Variants in SEMA6A observed in about 807,000 individuals in gnomAD.
The protein encoded by SEMA6A is semaphorin-6A.
A neutral mutation model predicts 96.8 loss-of-function variants in SEMA6A; 25 were observed. The observed-to-expected ratio is 0.26, with a 90% CI of 0.19 to 0.36. The LOEUF (loss-of-function observed/expected upper bound fraction) is 0.36, where lower values mean the gene tolerates loss of function less well. SEMA6A is among the 10% of genes least tolerant of loss of function. The pLI, the probability that SEMA6A is intolerant of heterozygous loss-of-function variation, is 1.00. For synonymous variants in SEMA6A, 612 were observed against 518.0 expected, an observed-to-expected ratio of 1.18 and a Z score of -2.46; for missense variants, 1,363 against 1,323.1, an observed-to-expected ratio of 1.03 and a Z score of -0.47.
rs750512109 is a variant in SEMA6A at position 116,446,683 on chromosome 5, G to A, written c.3023C>T (p.Pro1008Leu). Residue 1008 changes from proline to leucine, a missense_variant, in exon 19 of 19, where the codon CCG becomes CTG. Physicochemically the swap from Pro to Leu is moderately conservative, Grantham distance 98. Transcript: ENST00000343348. ...AAAGGATGGTTTGGGGGGTACGTCC[G>A]GCTTTAGCGAGGGCGTACGCTTCAG... is the stretch of plus-strand genomic sequence containing the variant. ...SGLKRTPSLK[P>L]DVPPKPSFAP... 7 of 1,567,658 alleles carry A rather than the reference G, an allele frequency of 4.5e-6. No homozygotes were observed. The highest frequency in any genetic ancestry group is 4.3e-6 in the Non-Finnish European group (5 of 1,155,454).
chr5:116,448,254 A>C (rs1290022855), intron 18 of SEMA6A, among the ~76,000 whole-genome samples: 2 of 150,954 alleles, frequency 1.3e-5, no homozygotes, highest in Admixed American at 6.6e-5. Flanking sequence ...GCTGAGGTAG[A>C]GAATTGTTTG....
At chr5:116,462,837 A>G (rs932367281) in intron 18 of SEMA6A, among the ~76,000 whole-genome samples, 6 of 152,206 alleles carry the variant, frequency 3.9e-5, no homozygotes, top group Non-Finnish European at 7.3e-5. Flanking sequence ...TCAACTACCA[A>G]TACTACAATT....
intron 13 of SEMA6A, 24 bp downstream of exon 13, chr5:116,478,518 G>A: frequency 6.3e-7 from 1 of 1,578,926 alleles, no homozygotes; most frequent in Non-Finnish European, 8.6e-7. Flanking sequence ...TAATTACTAA[G>A]AAAGAACCAA....
At position 116,574,268 on chromosome 5, in the gene SEMA6A, G is replaced by C. The variant is rs1041578289; in HGVS notation, c.-122C>G. The stretch of plus-strand genomic sequence containing the variant: ...ATCCCATTTAGTAATCCATTATCGA[G>C]GGGATCTCTCCGGGCCGCGGGCTGC... On this transcript the variant is annotated 5_prime_UTR_variant, in exon 1 of 19. Coordinates refer to ENST00000343348, the MANE Select transcript of SEMA6A (RefSeq NM_020796.5). The C allele has an allele frequency of 6.6e-6, 1 of 152,406 alleles. No individual in the cohort carries two copies. Among genetic ancestry groups the C allele is most frequent in the Admixed American group, 6.5e-5 (1 of 15,270 alleles). 9.4% of individuals were successfully genotyped at this position (152,406 alleles called of 1,614,324 possible).
At chr5:116,519,599 T>TC (rs1758833350) in intron 1 of SEMA6A, among the ~76,000 whole-genome samples, 1 of 152,102 alleles carries the variant, frequency 6.6e-6, no homozygotes, top group East Asian at 1.9e-4. Context: ...ACCCATGGGT[T>TC]CTGCCCTTGG....
At chr5:116,457,853 A>C (rs186222881) in intron 18 of SEMA6A, among the ~76,000 whole-genome samples, 1 of 152,274 alleles carries the variant, frequency 6.6e-6, no homozygotes, top group Non-Finnish European at 1.5e-5. Flanking sequence ...TACTTGCATA[A>C]CCTGTATCTC....
At chr5:116,501,493 T>C (rs1757878233) in intron 3 of SEMA6A, among the ~76,000 whole-genome samples, 1 of 152,200 alleles carries the variant, frequency 6.6e-6, no homozygotes. Flanking sequence ...ATATAGATTA[T>C]CAATGATATA....
At chr5:116,467,771 A>G in intron 17 of SEMA6A, 24 bp from the exon 18 acceptor site, 1 of 1,612,372 alleles carries the variant, frequency 6.2e-7, no homozygotes, top group Non-Finnish European at 8.5e-7. Flanking sequence ...AAATACAGTT[A>G]GGAAAACATC....
intron 1 of SEMA6A, among the ~76,000 whole-genome samples, chr5:116,557,492 TATA>T (rs1380520765): frequency 2.6e-5 from 4 of 152,270 alleles, no homozygotes; most frequent in African/African-American, 7.2e-5. Flanking sequence ...TCTTAATACT[TATA>T]ATTTTTATTT....
intron 1 of SEMA6A, among the ~76,000 whole-genome samples, chr5:116,522,689 C>T (rs1252635169): frequency 6.6e-6 from 1 of 152,136 alleles, no homozygotes; most frequent in Non-Finnish European, 1.5e-5. Context: ...TTATTTTATG[C>T]TCCATAAGTG....
intron 8 of SEMA6A, 125 bp from the exon 9 acceptor site, chr5:116,488,321 A>G (rs1229509786): frequency 8.1e-6 from 5 of 617,200 alleles, no homozygotes; most frequent in Non-Finnish European, 1.1e-5. Context: ...GGTTAACACT[A>G]ACCATTTCAA....
intron 1 of SEMA6A, among the ~76,000 whole-genome samples, chr5:116,510,742 GCTT>G (rs1554088643): frequency 6.6e-6 from 1 of 151,922 alleles, no homozygotes; most frequent in Non-Finnish European, 1.5e-5. Context: ...AAGTCACTAA[GCTT>G]CTTATCTCTG....
At chr5:116,503,517 C>G in intron 2 of SEMA6A, among the ~76,000 whole-genome samples, 1 of 145,632 alleles carries the variant, frequency 6.9e-6, no homozygotes, top group South Asian at 2.2e-4. Flanking sequence ...GGAGTCCCTT[C>G]TTTTTTTTTT....
chr5:116,447,023 G>A lies in SEMA6A; in HGVS notation c.2683C>T (p.Leu895=), dbSNP rs1302192398. 1 of 1,613,942 alleles carries A rather than the reference G, an allele frequency of 6.2e-7. No homozygotes were observed. Among genetic ancestry groups the A allele is most frequent in the Admixed American group, 1.7e-5 (1 of 60,028 alleles). Residue 895 remains leucine, a synonymous_variant, in exon 19 of 19, where the codon CTG becomes TTG. Transcript: ENST00000343348. ...EASLGPPGAS[L]SQTGLSKRLE... ...CGCTTGCTTAGACCGGTCTGAGACA[G>A]GGAGGCTCCCGGGGGACCCAGGGAG...
At chr5:116,552,782 A>T (rs1224059830) in intron 1 of SEMA6A, among the ~76,000 whole-genome samples, 1 of 152,230 alleles carries the variant, frequency 6.6e-6, no homozygotes, top group Non-Finnish European at 1.5e-5. Context: ...AAATAATTTC[A>T]TAAGAGGTGC....
intron 1 of SEMA6A, among the ~76,000 whole-genome samples, chr5:116,531,965 C>T (rs1759496720): frequency 6.6e-6 from 1 of 152,142 alleles, no homozygotes; most frequent in South Asian, 2.1e-4. Context: ...GCAGTCCAAC[C>T]CTAGCCAATA....
chr5:116,566,210 C>G (rs1580525003), intron 1 of SEMA6A, among the ~76,000 whole-genome samples: 1 of 152,066 alleles, frequency 6.6e-6, no homozygotes, highest in East Asian at 1.9e-4. Flanking sequence ...GTCTTTGAAG[C>G]GTAGAGGGGC....
At chr5:116,569,703 C>A (rs950853683) in intron 1 of SEMA6A, among the ~76,000 whole-genome samples, 3 of 152,130 alleles carry the variant, frequency 2.0e-5, no homozygotes, top group Non-Finnish European at 4.4e-5. Flanking sequence ...AACAGCATTG[C>A]AGCCACAATG....
Position 116,475,553 on chromosome 5 carries a change from T to TC in SEMA6A, c.1699dup (p.Asp567GlyfsTer32). ...TAAAAGACTGTACTTACTGTGACAG[T>TC]CCCCCAGACCATCTGTATTGCCACG... On this transcript the variant is annotated frameshift_variant, in exon 16 of 19. Coordinates refer to ENST00000343348, the MANE Select transcript of SEMA6A (RefSeq NM_020796.5). LOFTEE classifies it high-confidence loss of function. The TC allele has an allele frequency of 6.2e-7, 1 of 1,600,374 alleles. No homozygotes were observed. Among genetic ancestry groups the TC allele is most frequent in the Non-Finnish European group, 8.5e-7 (1 of 1,173,078 alleles).
Sources: gnomAD v4.1 joint callset for allele counts (sites outside exome capture counted in the v4.1 genomes callset) on GRCh38, gnomAD v4.1.1 for gene constraint, MANE v1.5 for transcripts, NCBI Gene and HGNC (gene_info 2026-07-23, HGNC 2026-07-21) for gene names.